HELZ: variants seen among roughly 807,000 people sequenced by gnomAD.
HELZ encodes the protein helicase with zinc finger.
A neutral mutation model predicts 218.2 loss-of-function variants in HELZ; 23 were observed. The ratio of observed to expected loss-of-function variants is 0.11; its 90% CI spans 0.08 to 0.15. The LOEUF (loss-of-function observed/expected upper bound fraction) is 0.15. Ranked by LOEUF, HELZ falls within the 10% of genes least tolerant of loss-of-function variation. HELZ has a pLI of 1.00. For missense variants in HELZ, 1,813 were observed against 2,353.7 expected, an observed-to-expected ratio of 0.77 and a Z score of 4.75; for synonymous variants, 814 against 829.4, an observed-to-expected ratio of 0.98 and a Z score of 0.32.
chr17:67,130,644 T>A (rs531682963), intron 23 of HELZ, among the ~76,000 whole-genome samples: 1 of 152,162 alleles, frequency 6.6e-6, no homozygotes, highest in African/African-American at 2.4e-5. Flanking sequence ...AGGACTATCT[T>A]ATATAGCACT....
chr17:67,172,763 G>A (rs1456538687), intron 13 of HELZ, among the ~76,000 whole-genome samples: 2 of 151,918 alleles, frequency 1.3e-5, no homozygotes, highest in Non-Finnish European at 1.5e-5. Flanking sequence ...ACACCATCAC[G>A]CCCAGCTAAT....
At chr17:67,238,539 G>A (rs2041245477) in intron 3 of HELZ, among the ~76,000 whole-genome samples, 1 of 151,736 alleles carries the variant, frequency 6.6e-6, no homozygotes, top group Admixed American at 6.6e-5. Flanking sequence ...AAAAGTAGCT[G>A]GGCATGGTGG....
At chr17:67,183,549 C>T (rs543500587) in intron 12 of HELZ, among the ~76,000 whole-genome samples, 83 of 152,244 alleles carry the variant, frequency 5.5e-4, no homozygotes, top group African/African-American at 1.9e-3. Context: ...ACATAGATAG[C>T]TAGACTCAAA....
rs919937007 is a variant in HELZ at position 67,160,854 on chromosome 17, G to T, written c.2075+43C>A. ...TGTATTTAAAACAAGAACAGAGGTAGTATCCTACCAGGGAAATATGAGCAC... is the reference window on the plus strand; with the variant it reads ...TGTATTTAAAACAAGAACAGAGGTATTATCCTACCAGGGAAATATGAGCAC... On this transcript the variant is annotated intron_variant, in intron 16 of 32. Coordinates refer to ENST00000358691, the MANE Select transcript of HELZ (RefSeq NM_014877.4). 3.5e-6 allele frequency: 5 copies of T among 1,418,874 alleles called. No individual in the cohort carries two copies. In the African/African-American group the frequency reaches 4.3e-5, roughly 12 times the overall value. The allele number at this position is 1,418,874 out of a possible 1,614,324, so 87.9% of individuals were successfully genotyped here.
Position 67,189,699 on chromosome 17 carries a change from G to GA in HELZ, c.757-4dup. 1.3e-6 allele frequency: 2 copies of GA among 1,564,860 alleles called. No individual in the cohort carries two copies. Among genetic ancestry groups the GA allele is most frequent in the Non-Finnish European group, 1.8e-6 (2 of 1,136,104 alleles). On this transcript the variant is annotated splice_polypyrimidine_tract_variant and splice_region_variant and intron_variant, in intron 10 of 32. Transcript: ENST00000358691. ...ACTCCTTCTATACATTCACTAAGCTGAAAACAGACAGCAATTTATGTTATG... is the reference window on the plus strand; with the variant it reads ...ACTCCTTCTATACATTCACTAAGCTGAAAAACAGACAGCAATTTATGTTATG...
At chr17:67,167,441 A>T (rs1444822131) in intron 14 of HELZ, 22 bp downstream of exon 14, 1 of 1,548,978 alleles carries the variant, frequency 6.5e-7, no homozygotes, top group Admixed American at 1.7e-5. Flanking sequence ...CACTATGGTT[A>T]AGCTGCAACC....
In HELZ at chr17:67,179,796, T is replaced by C. The variant is rs536748346; in HGVS notation, c.1163-870A>G. 262 of 152,190 alleles carry C rather than the reference T, an allele frequency of 1.7e-3. 1 individual carries two copies. The highest frequency in any genetic ancestry group is 6.0e-3 in the African/African-American group (250 of 41,526). The allele number at this position is 152,190 out of a possible 1,614,324, so 9.4% of individuals were successfully genotyped here. A position where few individuals can be genotyped will look rare whatever the true frequency, so the allele number is the denominator to read the frequency against. ...GATACATTACACCAAGACTTTGACATAACATAATTGGAAAAACGGTTTCAC... is the reference window on the plus strand; with the variant it reads ...GATACATTACACCAAGACTTTGACACAACATAATTGGAAAAACGGTTTCAC... On this transcript the variant is annotated intron_variant, in intron 12 of 32. Coordinates refer to ENST00000358691, the MANE Select transcript of HELZ (RefSeq NM_014877.4).
chr17:67,157,041 C>T (rs2038863283), intron 17 of HELZ, among the ~76,000 whole-genome samples: 1 of 152,142 alleles, frequency 6.6e-6, no homozygotes, highest in African/African-American at 2.4e-5. Flanking sequence ...CGTACACTCA[C>T]TCTCACTTGC....
rs2144288238 is a variant in HELZ, at chr17:67,189,664, C to G, written c.789G>C (p.Glu263Asp). The change falls in exon 11 of 33, where the codon GAG becomes GAC. Residue 263 changes from glutamate to aspartate, a missense_variant. Around this residue, in one of 4 missense-constraint regions of HELZ, gnomAD observed 714 missense variants for 1,029.2 expected, o/e 0.69. Coordinates refer to ENST00000358691, the MANE Select transcript of HELZ (RefSeq NM_014877.4). ...LSECIEGVKV[E>D]HNPDLSVTVS... ...CAGTAACTGACAGGTCAGGATTGTGCTCTACCTTTACTCCTTCTATACATT... is the reference window on the plus strand; with the variant it reads ...CAGTAACTGACAGGTCAGGATTGTGGTCTACCTTTACTCCTTCTATACATT... The G allele has an allele frequency of 6.2e-7, 1 of 1,613,244 alleles. No individual in the cohort carries two copies.
At chr17:67,080,807 A>C (rs957659286) in intron 32 of HELZ, among the ~76,000 whole-genome samples, 2 of 152,172 alleles carry the variant, frequency 1.3e-5, no homozygotes, top group Non-Finnish European at 2.9e-5. Context: ...GAGAAGATGA[A>C]ACCTGGGATG....
chr17:67,091,644 T>C (rs952698333), intron 31 of HELZ, among the ~76,000 whole-genome samples: 1 of 152,164 alleles, frequency 6.6e-6, no homozygotes, highest in African/African-American at 2.4e-5. Flanking sequence ...GTGGGAAAAC[T>C]GGATATTATG....
chr17:67,146,101 G>C lies in HELZ; in HGVS notation c.2622-211C>G, dbSNP rs77188159. Among the ~76,000 whole-genome samples, 891 of 152,198 alleles carry C rather than the reference G, an allele frequency of 5.9e-3. 7 individuals carry two copies. Among genetic ancestry groups the C allele is most frequent in the African/African-American group, 0.02 (847 of 41,520 alleles). Reference sequence around the variant, plus strand: ...TAATATTGTTAAATGGAATGATTTTGGTAAGGTACGAAGCCAAAACAGGAA... The same window carrying C: ...TAATATTGTTAAATGGAATGATTTTCGTAAGGTACGAAGCCAAAACAGGAA... On this transcript the variant is annotated intron_variant, in intron 20 of 32. Coordinates refer to ENST00000358691, the MANE Select transcript of HELZ (RefSeq NM_014877.4).
At chr17:67,192,047 T>C (rs1050778363) in intron 9 of HELZ, among the ~76,000 whole-genome samples, 9 of 151,408 alleles carry the variant, frequency 5.9e-5, no homozygotes, top group South Asian at 2.1e-4. Context: ...CTACTAAAAA[T>C]AGAAAATTAG....
In HELZ at chr17:67,159,227, T is replaced by G. The variant is rs1473044518; in HGVS notation, c.2177+1034A>C. 3.3e-5 allele frequency among the ~76,000 whole-genome samples: 5 copies of G among 152,330 alleles called. No homozygotes were observed. The East Asian group carries it at 9.6e-4, about 29-fold the overall frequency. Reference sequence around the variant, plus strand: ...TAGTGATTGTATATATGTAATATTTTCTCATTAAATACAACCAGATTCTAT... The same window carrying G: ...TAGTGATTGTATATATGTAATATTTGCTCATTAAATACAACCAGATTCTAT... On this transcript the variant is annotated intron_variant, in intron 17 of 32. Coordinates refer to ENST00000358691, the MANE Select transcript of HELZ (RefSeq NM_014877.4).
Position 67,137,928 on chromosome 17 carries a change from T to G in HELZ, c.2953+3A>C. 6.3e-7 allele frequency: 1 copy of G among 1,596,534 alleles called. No homozygotes were observed. Among genetic ancestry groups the G allele is most frequent in the Non-Finnish European group, 8.6e-7 (1 of 1,168,660 alleles). The stretch of plus-strand genomic sequence containing the variant: ...GACTGAATTCATTTCAATTGACACT[T>G]ACCTTGAACATTTAGCACCCTTTCT... On this transcript the variant is annotated splice_donor_region_variant and intron_variant, in intron 22 of 32. Coordinates refer to ENST00000358691, the MANE Select transcript of HELZ (RefSeq NM_014877.4).
chr17:67,204,187 T>C (rs1547438), intron 5 of HELZ, among the ~76,000 whole-genome samples: 41,804 of 152,162 alleles, frequency 0.27, 7,322 homozygotes, highest in East Asian at 0.69. Context: ...TTAGAAATTA[T>C]TTTTAAAATT....
At chr17:67,187,614 T>C (rs1298048329) in intron 12 of HELZ, among the ~76,000 whole-genome samples, 2 of 152,212 alleles carry the variant, frequency 1.3e-5, no homozygotes, top group African/African-American at 4.8e-5. Context: ...TAAAAAGTTT[T>C]TGTTAAATAG....
intron 1 of HELZ, 100 bp from the exon 2 acceptor site, chr17:67,243,939 AAATG>A (rs1400306708): frequency 1.0e-6 from 1 of 978,192 alleles, no homozygotes; most frequent in Non-Finnish European, 1.2e-6. Flanking sequence ...TCTACATTTA[AAATG>A]GAAAAAGTTA....
At chr17:67,179,741 A>G (rs2039556020) in intron 12 of HELZ, 1 of 152,114 alleles carries the variant, frequency 6.6e-6, no homozygotes, top group African/African-American at 2.4e-5. Flanking sequence ...AGAAAACTTA[A>G]CCAAAAGAAA....
Sources: gnomAD v4.1 joint callset for allele counts (sites outside exome capture counted in the v4.1 genomes callset) on GRCh38, gnomAD v4.1.1 for gene constraint, gnomAD v4.1.1 regional missense constraint, MANE v1.5 for transcripts, NCBI Gene and HGNC (gene_info 2026-07-23, HGNC 2026-07-21) for gene names.